The following PCNX1 variants were observed in gnomAD, a reference collection of about 807,000 sequenced individuals.
PCNX1 encodes pecanex-like protein 1.
Under a neutral mutation model 242.2 loss-of-function variants are expected in PCNX1, and 78 were observed. The ratio of observed to expected loss-of-function variants is 0.32; its 90% CI spans 0.27 to 0.39. The LOEUF is 0.39. PCNX1 is among the 10% of genes least tolerant of loss of function. The pLI, the probability that PCNX1 is intolerant of heterozygous loss-of-function variation, is 1.00. For missense variants in PCNX1, 2,581 were observed against 2,856.5 expected, an observed-to-expected ratio of 0.90 and a Z score of 2.20; for synonymous variants, 1,024 against 1,032.9, an observed-to-expected ratio of 0.99 and a Z score of 0.17.
At chr14:71,038,022 T>C in intron 19 of PCNX1, among the ~76,000 whole-genome samples, 1 of 83,964 alleles carries the variant, frequency 1.2e-5, no homozygotes, top group Non-Finnish European at 2.3e-5. Flanking sequence ...GCTAGCCATA[T>C]GTAGAAAGCT....
chr14:70,965,931 C>A (rs760603943), intron 3 of PCNX1, among the ~76,000 whole-genome samples: 6 of 152,086 alleles, frequency 3.9e-5, no homozygotes, highest in Non-Finnish European at 8.8e-5. Flanking sequence ...AAAAACTTCA[C>A]CCTCAAGTGT....
In PCNX1 at chr14:71,076,293, T is replaced by C. The variant is rs1374144534; in HGVS notation, c.5211T>C (p.Asp1737=). 1.9e-6 allele frequency: 3 copies of C among 1,613,990 alleles called. No individual in the cohort carries two copies. Among genetic ancestry groups the C allele is most frequent in the Admixed American group, 1.7e-5 (1 of 60,018 alleles). Residue 1737 remains aspartate (D), a synonymous_variant, in exon 28 of 36, where the codon GAT becomes GAC. Transcript: ENST00000304743. The part of the protein sequence containing the change: ...LRLCADRNYV[D]VDPTFNPNID... ...TGTGTGCTGATCGCAATTATGTCGA[T>C]GTGGACCCGACCTTTAATCCAAACA...
intron 6 of PCNX1, among the ~76,000 whole-genome samples, chr14:70,987,150 G>T (rs538310891): frequency 2.0e-5 from 3 of 152,168 alleles, no homozygotes; most frequent in African/African-American, 7.2e-5. Flanking sequence ...TGAAGTCATG[G>T]TTGTCAGGAA....
At chr14:70,911,138 A>C (rs2055886498) in intron 1 of PCNX1, among the ~76,000 whole-genome samples, 1 of 152,232 alleles carries the variant, frequency 6.6e-6, no homozygotes, top group Admixed American at 6.5e-5. Flanking sequence ...TGTAAGTGAT[A>C]ATGACTGTTT....
In PCNX1 at chr14:71,108,981, G is replaced by A; in HGVS notation, c.6679G>A (p.Gly2227Ser). The A allele has an allele frequency of 6.2e-7, 1 of 1,614,222 alleles. No individual in the cohort carries two copies. The change falls in exon 34 of 36, where the codon GGC becomes AGC. Residue 2227 changes from glycine to serine, a missense_variant. By Grantham distance (56) the Gly-to-Ser change is moderately conservative. This residue lies in a region of PCNX1 where 432 missense variants were observed against 433.6 expected (regional missense o/e 1.00). Coordinates refer to ENST00000304743, the MANE Select transcript of PCNX1 (RefSeq NM_014982.3). ...GQSSATDAQP[G>S]NTLSPANNSH... ...GAGCAGTGCCACTGATGCACAGCCA[G>A]GCAACACCTTAAGTCCTGCCAACAA...
intron 30 of PCNX1, among the ~76,000 whole-genome samples, chr14:71,097,209 T>G (rs1023939477): frequency 6.6e-6 from 1 of 152,224 alleles, no homozygotes; most frequent in East Asian, 1.9e-4. Flanking sequence ...TTATCCAATT[T>G]ACCATTGATG....
chr14:71,029,928 C>T (rs1456507254), intron 16 of PCNX1, among the ~76,000 whole-genome samples: 1 of 152,196 alleles, frequency 6.6e-6, no homozygotes, highest in Admixed American at 6.5e-5. Flanking sequence ...TAGAGATGCT[C>T]ATTTGAGATG....
rs1258571598 is a variant in PCNX1 at position 70,977,531 on chromosome 14, C to T, written c.1194C>T (p.Ser398=). The change falls in exon 6 of 36, where the codon AGC becomes AGT. Residue 398 remains serine (S), a synonymous_variant. Transcript: ENST00000304743. ...ACCGGGACACTAACAGTACTGTCAGCAGCTATAAAAGTGAGCAGACCAGCT... is the reference window on the plus strand; with the variant it reads ...ACCGGGACACTAACAGTACTGTCAGTAGCTATAAAAGTGAGCAGACCAGCT... ...GTDRDTNSTV[S]SYKSEQTSST... The T allele has an allele frequency of 6.2e-7, 1 of 1,614,048 alleles. No homozygotes were observed. Among genetic ancestry groups the T allele is most frequent in the Non-Finnish European group, 8.5e-7 (1 of 1,180,024 alleles).
At chr14:70,988,844 T>G (rs1237133893) in intron 7 of PCNX1, 145 bp downstream of exon 7, 1 of 911,462 alleles carries the variant, frequency 1.1e-6, no homozygotes, top group African/African-American at 1.6e-5. Context: ...CTTTTTGGCT[T>G]TTTCTGCATG....
chr14:70,972,268 G>A (rs535955081), intron 5 of PCNX1, among the ~76,000 whole-genome samples: 1 of 151,682 alleles, frequency 6.6e-6, no homozygotes, highest in East Asian at 1.9e-4. Flanking sequence ...GAGAGCAAGG[G>A]GGGTAAGTTA....
intron 2 of PCNX1, among the ~76,000 whole-genome samples, chr14:70,950,422 A>G (rs2057730459): frequency 6.6e-6 from 1 of 152,130 alleles, no homozygotes; most frequent in African/African-American, 2.4e-5. Flanking sequence ...AATTATATCA[A>G]TCATTTTGAA....
intron 21 of PCNX1, 68 bp from the exon 22 acceptor site, chr14:71,047,739 T>C: frequency 7.6e-7 from 1 of 1,316,360 alleles, no homozygotes; most frequent in Non-Finnish European, 1.1e-6. Flanking sequence ...TGGTGAATTT[T>C]ATTTTAAGTT....
chr14:70,940,351 G>A (rs2057186095), intron 1 of PCNX1, among the ~76,000 whole-genome samples: 1 of 152,142 alleles, frequency 6.6e-6, no homozygotes, highest in Non-Finnish European at 1.5e-5. Flanking sequence ...GCATTTGCTT[G>A]TCTGTAAAGG....
intron 28 of PCNX1, among the ~76,000 whole-genome samples, chr14:71,076,765 A>G (rs1286749952): frequency 6.6e-6 from 1 of 152,212 alleles, no homozygotes; most frequent in African/African-American, 2.4e-5. Flanking sequence ...GCCACACTTA[A>G]GGATAATTAA....
chr14:70,988,465 C>T, intron 6 of PCNX1, 102 bp from the exon 7 acceptor site: 1 of 1,189,050 alleles, frequency 8.4e-7, no homozygotes, highest in East Asian at 2.4e-5. Context: ...TTAATAAGTT[C>T]ACTTTACCCA....
intron 3 of PCNX1, among the ~76,000 whole-genome samples, chr14:70,962,573 T>TG (rs1260468934): frequency 6.6e-6 from 1 of 152,252 alleles, no homozygotes; most frequent in Non-Finnish European, 1.5e-5. Context: ...TTATGACAGT[T>TG]GTGAATAGCC....
chr14:71,064,585 A>T (rs2061403327), intron 26 of PCNX1, among the ~76,000 whole-genome samples: 3 of 152,236 alleles, frequency 2.0e-5, no homozygotes, highest in Admixed American at 2.0e-4. Flanking sequence ...AAGTAGTAAC[A>T]CATAAAACTA....
chr14:71,031,849 T>A, intron 16 of PCNX1: 1 of 1,477,980 alleles, frequency 6.8e-7, no homozygotes. Context: ...TGGCTTCAGG[T>A]AGACACACTG....
At chr14:70,949,303 ATATGTGTGTAGATACACACG>A (rs2057667446) in intron 2 of PCNX1, among the ~76,000 whole-genome samples, 3 of 141,186 alleles carry the variant, frequency 2.1e-5, no homozygotes, top group Non-Finnish European at 4.6e-5. Flanking sequence ...GTGTACACAC[ATATGTGTGTAGATACACACG>A]TGTATACACG....
Sources: gnomAD v4.1 joint callset for allele counts (sites outside exome capture counted in the v4.1 genomes callset) on GRCh38, gnomAD v4.1.1 for gene constraint, gnomAD v4.1.1 regional missense constraint, MANE v1.5 for transcripts, NCBI Gene and HGNC (gene_info 2026-07-23, HGNC 2026-07-21) for gene names.